The following DMD variants were observed in gnomAD, a reference collection of about 807,000 sequenced individuals.
DMD encodes the protein mutant dystrophin.
DMD carries 63 observed loss-of-function variants against 330.1 expected under a neutral mutation model. The ratio of observed to expected loss-of-function variants is 0.19; its 90% CI spans 0.16 to 0.24. DMD has a LOEUF of 0.24. Ranked by LOEUF, DMD falls within the 10% of genes least tolerant of loss-of-function variation. DMD has a pLI of 1.00. For missense variants in DMD, 3,344 were observed against 2,684.1 expected (o/e 1.25, Z -5.43); for synonymous variants, 1,223 against 959.8 (o/e 1.27, Z -5.07).
At chrX:33,050,964 AC>A (rs1010685204) in intron 1 of DMD, among the ~76,000 whole-genome samples, 7 of 111,174 alleles carry the variant, frequency 6.3e-5, no homozygotes, top group Non-Finnish European at 1.1e-4. Context: ...CCGTTCTCAG[AC>A]CCATTTTCAA....
chrX:33,004,619 G>C (rs1377269099), intron 2 of DMD, among the ~76,000 whole-genome samples: 1 of 109,560 alleles, frequency 9.1e-6, no homozygotes, highest in African/African-American at 3.3e-5. Flanking sequence ...ATTTTTACTT[G>C]TGTATTTTTT....
intron 62 of DMD, among the ~76,000 whole-genome samples, chrX:31,265,312 G>C (rs1178961816): frequency 1.8e-5 from 2 of 111,987 alleles, no homozygotes; most frequent in East Asian, 5.6e-4. Flanking sequence ...TGGAATACTG[G>C]CAGGGTGTGG....
At chrX:31,214,915 G>T (rs942511010) in intron 64 of DMD, among the ~76,000 whole-genome samples, 4 of 70,974 alleles carry the variant, frequency 5.6e-5, no homozygotes, top group African/African-American at 9.7e-5. Context: ...AACCACCAAA[G>T]ATACTTTTTT....
intron 7 of DMD, among the ~76,000 whole-genome samples, chrX:32,715,077 G>A (rs371816358): frequency 9.0e-6 from 1 of 111,228 alleles, no homozygotes; most frequent in Non-Finnish European, 1.9e-5. Context: ...CTACTTTATA[G>A]ACTTTGACCT....
intron 2 of DMD, among the ~76,000 whole-genome samples, chrX:32,907,904 T>A (rs1381099833): frequency 1.7e-4 from 19 of 111,683 alleles, no homozygotes; most frequent in Non-Finnish European, 5.6e-5. Flanking sequence ...CTTCATTCAC[T>A]TATCTTGGTC....
intron 47 of DMD, among the ~76,000 whole-genome samples, chrX:31,898,777 G>A (rs1461737994): frequency 3.6e-5 from 4 of 111,997 alleles, no homozygotes; most frequent in African/African-American, 1.3e-4. Context: ...TAATCATCAT[G>A]CAACAGGTTG....
chrX:31,196,619 T>C lies in DMD; in HGVS notation c.9807+7342A>G, dbSNP rs771640512. Among the ~76,000 whole-genome samples the C allele has an allele frequency of 8.3e-5, 9 of 108,666 alleles. No homozygotes were observed. The East Asian group carries it at 2.6e-3, about 32-fold the overall frequency. The allele number at this position is 108,666 out of a possible 115,157, so 94.4% of individuals were successfully genotyped here. On this transcript the variant is annotated intron_variant, in intron 67 of 78. Coordinates refer to ENST00000357033, the MANE Select transcript of DMD (RefSeq NM_004006.3). The stretch of plus-strand genomic sequence containing the variant: ...GTGGGCGGATCACAAGGTCAAGAGA[T>C]TGAGACCATCCTGGCCAACATGGTG...
At chrX:31,884,740 C>T (rs2094126488) in intron 47 of DMD, among the ~76,000 whole-genome samples, 1 of 111,800 alleles carries the variant, frequency 8.9e-6, no homozygotes, top group Non-Finnish European at 1.9e-5. Context: ...TGATATTTCA[C>T]AATATCACAT....
At chrX:32,432,954 T>C (rs1318493343) in intron 29 of DMD, among the ~76,000 whole-genome samples, 2 of 112,118 alleles carry the variant, frequency 1.8e-5, no homozygotes, top group East Asian at 5.6e-4. Flanking sequence ...TCCCTTTCAG[T>C]AAATTTGCTA....
intron 64 of DMD, among the ~76,000 whole-genome samples, chrX:31,217,900 G>A (rs1055009458): frequency 6.3e-5 from 7 of 111,685 alleles, no homozygotes; most frequent in Non-Finnish European, 1.3e-4. Flanking sequence ...TATTAGAAAA[G>A]CCATGCTCAG....
intron 12 of DMD, among the ~76,000 whole-genome samples, chrX:32,599,073 T>TA (rs1242272843): frequency 8.9e-6 from 1 of 112,164 alleles, no homozygotes; most frequent in Non-Finnish European, 1.9e-5. Context: ...GGAATTAAAC[T>TA]AAAAAAGGTT....
At chrX:32,969,417 CACAT>C (rs1177541509) in intron 2 of DMD, among the ~76,000 whole-genome samples, 1 of 90,813 alleles carries the variant, frequency 1.1e-5, no homozygotes, top group East Asian at 3.6e-4. Flanking sequence ...ATGTATGTAC[CACAT>C]ACATAGATAA....
intron 2 of DMD, among the ~76,000 whole-genome samples, chrX:32,883,844 A>AG (rs1405106728): frequency 3.7e-4 from 39 of 105,445 alleles, no homozygotes; most frequent in African/African-American, 1.2e-3. Flanking sequence ...AAAAAAAAAA[A>AG]AAAAAAAGAA....
chrX:33,306,461 A>G (rs1354680417), intron 1 of DMD, among the ~76,000 whole-genome samples: 1 of 111,470 alleles, frequency 9.0e-6, no homozygotes, highest in Non-Finnish European at 1.9e-5. Context: ...AAAATGAGGA[A>G]GGAGTACCTA....
intron 52 of DMD, among the ~76,000 whole-genome samples, chrX:31,682,913 G>A (rs1466999223): frequency 8.9e-6 from 1 of 112,073 alleles, no homozygotes; most frequent in African/African-American, 3.2e-5. Flanking sequence ...AGATAAAGCA[G>A]TTCTTCCTAT....
intron 3 of DMD, among the ~76,000 whole-genome samples, chrX:32,846,589 G>C: frequency 9.1e-6 from 1 of 109,713 alleles, no homozygotes; most frequent in Non-Finnish European, 1.9e-5. Flanking sequence ...AAACATTAAG[G>C]CTAACCTTAT....
rs140090010 is a variant in DMD at position 32,477,231 on chromosome X, C to T, written c.2804-4922G>A. Reference sequence around the variant, plus strand: ...ATAAGTGATTGCAAGCTTGGAAGCACGTGCTGTAAATTATTGGGAAAATAA... The same window carrying T: ...ATAAGTGATTGCAAGCTTGGAAGCATGTGCTGTAAATTATTGGGAAAATAA... On this transcript the variant is annotated intron_variant, in intron 21 of 78. Coordinates refer to ENST00000357033, the MANE Select transcript of DMD (RefSeq NM_004006.3). Among the ~76,000 whole-genome samples, 714 of 109,970 alleles carry T rather than the reference C, an allele frequency of 6.5e-3. 11 individuals are homozygous for T. Among genetic ancestry groups the T allele is most frequent in the African/African-American group, 0.022 (674 of 30,304 alleles).
At chrX:32,169,484 T>C (rs1365511929) in intron 44 of DMD, among the ~76,000 whole-genome samples, 2 of 111,790 alleles carry the variant, frequency 1.8e-5, no homozygotes, top group Admixed American at 1.9e-4. Flanking sequence ...GTATTTTATT[T>C]ATCGCCCAAT....
intron 1 of DMD, among the ~76,000 whole-genome samples, chrX:33,275,948 T>C (rs2053228071): frequency 8.9e-6 from 1 of 111,992 alleles, no homozygotes. Context: ...TACAATCATA[T>C]ATATGTGGTG....
Sources: allele counts gnomAD v4.1 joint callset (sites outside exome capture counted in the v4.1 genomes callset), GRCh38; gene constraint gnomAD v4.1.1; transcripts MANE v1.5; gene names NCBI Gene and HGNC (gene_info 2026-07-23, HGNC 2026-07-21).